The following STK4 variants were observed in gnomAD, a reference collection of about 807,000 sequenced individuals.
STK4 encodes the protein serine/threonine kinase 4, also known as serine/threonine-protein kinase 4.
Under a neutral mutation model 64.9 loss-of-function variants are expected in STK4, and 30 were observed. That is an observed-to-expected ratio of 0.46 (90% CI 0.35 to 0.63). The LOEUF is 0.63. Among genes scored for constraint, STK4 ranks in the 20% least tolerant of loss-of-function variants. STK4 has a pLI of 0.01. For synonymous variants in STK4, 177 were observed against 199.0 expected (o/e 0.89, Z 0.93); for missense variants, 466 against 598.5 (o/e 0.78, Z 2.31).
intron 4 of STK4, among the ~76,000 whole-genome samples, chr20:44,984,186 G>GTTTTTTTTTTTTTTTTTTTTTTT (rs11397664): frequency 7.9e-5 from 6 of 76,054 alleles, no homozygotes; most frequent in African/African-American, 1.1e-4. Context: ...TGTTGTCGTT[G>GTTTTTTTTTTTTTTTTTTTTTTT]TTTTTTTTTT....
chr20:45,007,996 T>A (rs1601254488), intron 9 of STK4, among the ~76,000 whole-genome samples: 1 of 152,182 alleles, frequency 6.6e-6, no homozygotes, highest in Admixed American at 6.5e-5. Flanking sequence ...TTTGGTTTTC[T>A]GTTTTTGTGT....
rs1017407298 is a variant in STK4, at chr20:45,046,743, G to A, written c.1305+21613G>A. ...GTCACCTAGGCTGGAGTGCAGTGGC[G>A]TGATCTCGGCTCACTGCAACCTCCG... On this transcript the variant is annotated intron_variant, in intron 10 of 10. Coordinates refer to ENST00000372806, the MANE Select transcript of STK4 (RefSeq NM_006282.5). Among the ~76,000 whole-genome samples, 7 of 151,438 alleles carry A rather than the reference G, an allele frequency of 4.6e-5. No individual in the cohort carries two copies. The South Asian group carries it at 8.3e-4, about 18-fold the overall frequency.
rs927000719 is a variant in STK4 at position 45,067,135 on chromosome 20, C to T, written c.1306-7883C>T. Among the ~76,000 whole-genome samples the T allele has an allele frequency of 4.6e-5, 7 of 152,096 alleles. No homozygotes were observed. The South Asian group carries it at 6.2e-4, about 14-fold the overall frequency. ...GTACATTTTTTTTGTTGCACTTTTC[C>T]GGACTTTCTAGTGGCCAGTGTTGAG... On this transcript the variant is annotated intron_variant, in intron 10 of 10. Transcript: ENST00000372806.
intron 9 of STK4, among the ~76,000 whole-genome samples, chr20:45,007,312 G>A (rs1430704740): frequency 2.0e-5 from 3 of 152,110 alleles, no homozygotes; most frequent in African/African-American, 7.2e-5. Context: ...CAGCACTTTG[G>A]GAGGCCATGG....
intron 1 of STK4, among the ~76,000 whole-genome samples, chr20:44,969,574 AG>A (rs2067209876): frequency 6.6e-6 from 1 of 152,204 alleles, no homozygotes. Flanking sequence ...TTAAAAAATG[AG>A]TTGCCATTAG....
At position 45,028,869 on chromosome 20, in the gene STK4, G is replaced by A. The variant is rs566668499; in HGVS notation, c.1305+3739G>A. 8.3e-4 allele frequency among the ~76,000 whole-genome samples: 127 copies of A among 152,260 alleles called. 1 individual carries two copies. The highest frequency in any genetic ancestry group is 4.1e-3 in the South Asian group (20 of 4,826). On this transcript the variant is annotated intron_variant, in intron 10 of 10. Coordinates refer to ENST00000372806, the MANE Select transcript of STK4 (RefSeq NM_006282.5). ...TTTTGGTGGGCAAGCTACTTATACGGAGGAGCTTTAGGAGCTTTTAGAGAG... is the reference window on the plus strand; with the variant it reads ...TTTTGGTGGGCAAGCTACTTATACGAAGGAGCTTTAGGAGCTTTTAGAGAG...
intron 9 of STK4, among the ~76,000 whole-genome samples, chr20:45,002,223 T>C (rs1349310367): frequency 1.3e-5 from 2 of 152,366 alleles, no homozygotes; most frequent in Non-Finnish European, 2.9e-5. Flanking sequence ...CGCTGTGTAA[T>C]ACAACTAGGC....
intron 2 of STK4, 68 bp downstream of exon 2, chr20:44,972,226 A>G: frequency 7.2e-7 from 1 of 1,398,278 alleles, no homozygotes. Context: ...AAGAAGCAGA[A>G]GGATATGAAC....
chr20:45,043,931 C>T (rs546468070), intron 10 of STK4, among the ~76,000 whole-genome samples: 8 of 152,086 alleles, frequency 5.3e-5, no homozygotes, highest in Non-Finnish European at 8.8e-5. Context: ...AGTGATTTGC[C>T]ATTGCCTTCT....
At chr20:45,014,275 A>G (rs939571487) in intron 9 of STK4, among the ~76,000 whole-genome samples, 1 of 150,522 alleles carries the variant, frequency 6.6e-6, no homozygotes, top group South Asian at 2.1e-4. Flanking sequence ...AAATACAAAA[A>G]ATCAGCTGGG....
intron 9 of STK4, among the ~76,000 whole-genome samples, chr20:45,007,260 A>G (rs1660188389): frequency 6.6e-6 from 1 of 152,142 alleles, no homozygotes; most frequent in Non-Finnish European, 1.5e-5. Context: ...AATTGAAAGC[A>G]CTTCAGAGTT....
chr20:45,053,244 G>A, intron 10 of STK4: 1 of 1,335,316 alleles, frequency 7.5e-7, no homozygotes, highest in Middle Eastern at 1.9e-4. Flanking sequence ...GATCGTGCTA[G>A]CTGATTTGAG....
rs993507146 is a variant in STK4, at chr20:44,981,836, G to A, written c.253G>A (p.Val85Ile). The change falls in exon 4 of 11, where the codon GTA (valine) becomes ATA (isoleucine). Residue 85 changes from valine to isoleucine, a missense_variant. Physicochemically the swap from Val to Ile is conservative, Grantham distance 29. Around this residue, in one of 2 missense-constraint regions of STK4, gnomAD observed 190 missense variants for 289.7 expected, o/e 0.66. Coordinates refer to ENST00000372806, the MANE Select transcript of STK4 (RefSeq NM_006282.5). ...SIMQQCDSPH[V>I]VKYYGSYFKN... ...TTGTCTCTCTCTCTCTAGCCCTCAT[G>A]TAGTCAAATATTATGGCAGTTATTT... 22 of 1,604,004 alleles carry A rather than the reference G, an allele frequency of 1.4e-5. No individual in the cohort carries two copies. Among genetic ancestry groups the A allele is most frequent in the Non-Finnish European group, 1.9e-5 (22 of 1,171,060 alleles).
At chr20:44,971,910 A>G (rs1385523875) in intron 1 of STK4, among the ~76,000 whole-genome samples, 168 bp from the exon 2 acceptor site, 1 of 152,034 alleles carries the variant, frequency 6.6e-6, no homozygotes, top group African/African-American at 2.4e-5. Flanking sequence ...TGATCTCGTG[A>G]TCTGCCTGTA....
intron 10 of STK4, among the ~76,000 whole-genome samples, chr20:45,059,591 C>T (rs1978813414): frequency 6.6e-6 from 1 of 152,168 alleles, no homozygotes. Context: ...CGCAGGATTT[C>T]ATCATGCGTC....
intron 10 of STK4, among the ~76,000 whole-genome samples, chr20:45,025,368 A>G (rs2068326662): frequency 6.6e-6 from 1 of 152,190 alleles, no homozygotes; most frequent in East Asian, 1.9e-4. Flanking sequence ...CCAGTTAGAA[A>G]TTGTTCATGG....
chr20:45,018,821 G>A (rs570253736), intron 9 of STK4, among the ~76,000 whole-genome samples: 2 of 150,960 alleles, frequency 1.3e-5, no homozygotes, highest in East Asian at 1.9e-4. Flanking sequence ...GTCTTGAACT[G>A]GGCTCAAGTG....
At position 45,000,394 on chromosome 20, in the gene STK4, C is replaced by T. The variant is rs754588774; in HGVS notation, c.834C>T (p.His278=). 9.3e-6 allele frequency: 15 copies of T among 1,613,498 alleles called. No individual in the cohort carries two copies. Among genetic ancestry groups the T allele is most frequent in the Non-Finnish European group, 1.2e-5 (14 of 1,179,672 alleles). The change falls in exon 8 of 11, where the codon CAC becomes CAT. Residue 278 remains histidine, a splice_region_variant and synonymous_variant. Coordinates refer to ENST00000372806, the MANE Select transcript of STK4 (RefSeq NM_006282.5). ...TATTTTCTACTTTGTTCTTTTAGCACCCATTTGTCAGGAGTGCCAAAGGAG... is the reference window on the plus strand; with the variant it reads ...TATTTTCTACTTTGTTCTTTTAGCATCCATTTGTCAGGAGTGCCAAAGGAG... ...QRATATQLLQ[H]PFVRSAKGVS... is the part of the protein sequence containing the mutation.
intron 10 of STK4, among the ~76,000 whole-genome samples, chr20:45,043,004 C>T (rs1246750972): frequency 6.6e-6 from 1 of 152,076 alleles, no homozygotes; most frequent in Non-Finnish European, 1.5e-5. Context: ...TCCCTCCTCC[C>T]AAGCCCCCAC....
Sources: allele counts gnomAD v4.1 joint callset (sites outside exome capture counted in the v4.1 genomes callset), GRCh38; gene constraint gnomAD v4.1.1; regional missense constraint gnomAD v4.1.1; transcripts MANE v1.5; gene names NCBI Gene and HGNC (gene_info 2026-07-23, HGNC 2026-07-21).